SORCS1: variants seen among roughly 807,000 people sequenced by gnomAD.
SORCS1 encodes sortilin related VPS10 domain containing receptor 1.
Under a neutral mutation model 146.1 loss-of-function variants are expected in SORCS1, and 60 were observed. The ratio of observed to expected loss-of-function variants is 0.41; its 90% confidence interval spans 0.33 to 0.51. The LOEUF (loss-of-function observed/expected upper bound fraction) is 0.51. Ranked by LOEUF, SORCS1 falls within the 20% of genes least tolerant of loss-of-function variation. The pLI is 0.21. For synonymous variants in SORCS1, 637 were observed against 584.0 expected (o/e 1.09, Z -1.31); for missense variants, 1,352 against 1,487.6 (o/e 0.91, Z 1.50).
chr10:107,022,846 A>C (rs1958207188), intron 1 of SORCS1, among the ~76,000 whole-genome samples: 1 of 152,206 alleles, frequency 6.6e-6, no homozygotes, highest in Non-Finnish European at 1.5e-5. Context: ...CTTACCTCCA[A>C]GATTCTGATT....
intron 5 of SORCS1, among the ~76,000 whole-genome samples, chr10:106,755,889 G>C (rs1214225376): frequency 2.0e-5 from 3 of 152,164 alleles, no homozygotes; most frequent in Non-Finnish European, 4.4e-5. Context: ...AGCACTTTGG[G>C]AGGCTGAGGC....
At position 107,121,224 on chromosome 10, in the gene SORCS1, G is replaced by C. The variant is rs369994217; in HGVS notation, c.558+42745C>G. On this transcript the variant is annotated intron_variant, in intron 1 of 25. Coordinates refer to ENST00000263054, the MANE Select transcript of SORCS1 (RefSeq NM_052918.5). ...CAGGATGCCATGTGATTATTCATGA[G>C]ATTGTCTGGAATATAGTAGCTCAGT... Among the ~76,000 whole-genome samples, 267 of 152,264 alleles carry C rather than the reference G, an allele frequency of 1.8e-3. 2 individuals are homozygous for C. The highest frequency in any genetic ancestry group is 6.1e-3 in the African/African-American group (255 of 41,550).
At position 107,092,022 on chromosome 10, in the gene SORCS1, T is replaced by C. The variant is rs541926287; in HGVS notation, c.558+71947A>G. 2.6e-5 allele frequency among the ~76,000 whole-genome samples: 4 copies of C among 152,224 alleles called. No homozygotes were observed. In the South Asian group the frequency reaches 8.3e-4, roughly 32 times the overall value. ...AAAACAGGCCAGTAAATCTAAGAGATTTCCGAGAAGAGCTGCAAAGGTGAT... is the reference window on the plus strand; with the variant it reads ...AAAACAGGCCAGTAAATCTAAGAGACTTCCGAGAAGAGCTGCAAAGGTGAT... On this transcript the variant is annotated intron_variant, in intron 1 of 25. Transcript: ENST00000263054.
chr10:106,607,359 A>G, intron 22 of SORCS1, 62 bp from the exon 23 acceptor site: 1 of 1,595,594 alleles, frequency 6.3e-7, no homozygotes, highest in Non-Finnish European at 8.5e-7. Context: ...GAAGGGACCA[A>G]GTATTTGGTG....
intron 1 of SORCS1, among the ~76,000 whole-genome samples, chr10:107,051,692 C>A (rs1335526860): frequency 6.6e-6 from 1 of 152,086 alleles, no homozygotes; most frequent in African/African-American, 2.4e-5. Flanking sequence ...TAAGATTGAA[C>A]TAATTTGTAC....
chr10:106,992,364 T>A (rs1451906193), intron 1 of SORCS1, among the ~76,000 whole-genome samples: 1 of 152,222 alleles, frequency 6.6e-6, no homozygotes, highest in African/African-American at 2.4e-5. Flanking sequence ...AAGCAATAGA[T>A]CATGACAGAG....
At chr10:106,690,570 G>A (rs1486861701) in intron 9 of SORCS1, among the ~76,000 whole-genome samples, 2 of 152,218 alleles carry the variant, frequency 1.3e-5, no homozygotes, top group Non-Finnish European at 2.9e-5. Context: ...TGCCACTTGA[G>A]CAAAGAGCTG....
chr10:106,818,024 G>A (rs1207136879), intron 3 of SORCS1, among the ~76,000 whole-genome samples: 1 of 152,126 alleles, frequency 6.6e-6, no homozygotes, highest in Non-Finnish European at 1.5e-5. Flanking sequence ...GAGCTGGGAT[G>A]GTAAACTCCG....
chr10:107,034,986 T>C (rs1271083203), intron 1 of SORCS1, among the ~76,000 whole-genome samples: 3 of 152,054 alleles, frequency 2.0e-5, no homozygotes, highest in Non-Finnish European at 4.4e-5. Flanking sequence ...ATTATCCAGT[T>C]GAAGAAATAT....
chr10:106,859,607 G>T (rs1949935314), intron 2 of SORCS1, among the ~76,000 whole-genome samples: 1 of 152,082 alleles, frequency 6.6e-6, no homozygotes, highest in African/African-American at 2.4e-5. Flanking sequence ...TGGCCAGGCT[G>T]GTCTTGAACT....
In SORCS1 at chr10:106,770,279, AAAG is replaced by A. The variant is rs376365573; in HGVS notation, c.885+6252_885+6254del. On this transcript the variant is annotated intron_variant, in intron 4 of 25. Coordinates refer to ENST00000263054, the MANE Select transcript of SORCS1 (RefSeq NM_052918.5). ...CATAAACTGTGATCCTTTGGAATTT[AAAG>A]AAGATCAGGAATGAAGCAAGTTTTC... 3.1e-3 allele frequency among the ~76,000 whole-genome samples: 479 copies of A among 152,278 alleles called. 1 individual carries two copies. Among genetic ancestry groups the A allele is most frequent in the African/African-American group, 0.011 (453 of 41,562 alleles).
intron 1 of SORCS1, among the ~76,000 whole-genome samples, chr10:107,083,133 A>G (rs1044134259): frequency 1.0e-4 from 15 of 149,810 alleles, no homozygotes; most frequent in African/African-American, 3.7e-4. Context: ...AAAAAAAAAG[A>G]AAGTCAACTG....
intron 2 of SORCS1, among the ~76,000 whole-genome samples, chr10:106,898,575 C>T (rs750887745): frequency 1.6e-4 from 24 of 152,244 alleles, no homozygotes; most frequent in Non-Finnish European, 2.4e-4. Flanking sequence ...ATAATTTTTG[C>T]GTAGGGGGTC....
At chr10:107,131,377 C>T (rs1172455018) in intron 1 of SORCS1, among the ~76,000 whole-genome samples, 1 of 152,184 alleles carries the variant, frequency 6.6e-6, no homozygotes, top group African/African-American at 2.4e-5. Flanking sequence ...CTGCTGTTCC[C>T]ACAGTCTAGC....
intron 21 of SORCS1, 146 bp downstream of exon 21, chr10:106,618,003 T>C (rs1287563740): frequency 3.9e-6 from 4 of 1,038,098 alleles, no homozygotes; most frequent in African/African-American, 1.6e-5. Context: ...CAGGAGAAGA[T>C]GAGACTCGCC....
At chr10:106,742,103 A>G (rs1171952555) in intron 5 of SORCS1, among the ~76,000 whole-genome samples, 2 of 152,218 alleles carry the variant, frequency 1.3e-5, no homozygotes, top group African/African-American at 4.8e-5. Context: ...GAAGGGAGTA[A>G]GAATAGAATT....
intron 10 of SORCS1, among the ~76,000 whole-genome samples, chr10:106,683,211 T>C (rs1282424425): frequency 1.3e-5 from 2 of 152,248 alleles, no homozygotes; most frequent in African/African-American, 2.4e-5. Flanking sequence ...ATACTTTGGC[T>C]ATTCCAAGTG....
intron 1 of SORCS1, among the ~76,000 whole-genome samples, chr10:107,151,793 T>C (rs1038000695): frequency 1.3e-5 from 2 of 152,174 alleles, no homozygotes; most frequent in Non-Finnish European, 2.9e-5. Context: ...TTAGGGTATC[T>C]GGTGGAAGAA....
At chr10:107,065,603 C>T (rs1434018458) in intron 1 of SORCS1, among the ~76,000 whole-genome samples, 6 of 150,842 alleles carry the variant, frequency 4.0e-5, no homozygotes, top group African/African-American at 9.8e-5. Flanking sequence ...CTGCAACTTT[C>T]GCCTCCAGGG....
Sources: allele counts gnomAD v4.1 joint callset (sites outside exome capture counted in the v4.1 genomes callset), GRCh38; gene constraint gnomAD v4.1.1; transcripts MANE v1.5; gene names NCBI Gene and HGNC (gene_info 2026-07-23, HGNC 2026-07-21).